The following USP32 variants were observed in gnomAD, a reference collection of about 807,000 sequenced individuals.
USP32 encodes the protein ubiquitin carboxyl-terminal hydrolase 32.
Under a neutral mutation model 204.8 loss-of-function variants are expected in USP32, and 59 were observed. That is an observed-to-expected ratio of 0.29 (90% CI 0.23 to 0.36). The LOEUF is 0.36. Among genes scored for constraint, USP32 ranks in the 10% least tolerant of loss-of-function variants. The pLI is 1.00. For missense variants in USP32, 1,160 were observed against 1,946.4 expected (o/e 0.60, Z 7.60); for synonymous variants, 517 against 678.4 (o/e 0.76, Z 3.70).
chr17:60,216,291 C>CAAAA (rs4047751), intron 16 of USP32, among the ~76,000 whole-genome samples: 1 of 112,494 alleles, frequency 8.9e-6, no homozygotes, highest in Non-Finnish European at 2.0e-5. Flanking sequence ...AGAGAGGTGG[C>CAAAA]AAAAAAAAAA....
chr17:60,406,156 C>CA (rs35763642), intron 1 of USP32, among the ~76,000 whole-genome samples: 4,492 of 44,016 alleles, frequency 0.1, 163 homozygotes, highest in East Asian at 0.16. Context: ...GACCTTGTCT[C>CA]AAAAAAAAAA....
rs865952025 is a variant in USP32, at chr17:60,302,121, A to G, written c.187-417T>C. Among the ~76,000 whole-genome samples the G allele has an allele frequency of 1.7e-3, 193 of 113,832 alleles. 1 individual carries two copies. Among genetic ancestry groups the G allele is most frequent in the East Asian group, 0.012 (55 of 4,642 alleles). 74.7% of individuals were successfully genotyped at this position (113,832 alleles called of 152,430 possible). On this transcript the variant is annotated intron_variant, in intron 2 of 33. Transcript: ENST00000300896. ...ATATAAATATTTTGTTTGTTTATTT[A>G]TTTATTTATTTATTTATTTATTTAT... is the stretch of plus-strand genomic sequence containing the variant.
intron 3 of USP32, among the ~76,000 whole-genome samples, chr17:60,297,387 C>A (rs1047374857): frequency 1.3e-5 from 2 of 152,044 alleles, no homozygotes; most frequent in East Asian, 3.9e-4. Context: ...CAGAATAAAA[C>A]CCTGTCTCAA....
At chr17:60,217,819 C>T (rs1463225935) in intron 16 of USP32, among the ~76,000 whole-genome samples, 1 of 152,058 alleles carries the variant, frequency 6.6e-6, no homozygotes, top group African/African-American at 2.4e-5. Context: ...CTCACCACAA[C>T]CTTGAACTCC....
chr17:60,397,424 G>A (rs1381815149), intron 1 of USP32, among the ~76,000 whole-genome samples: 1 of 152,140 alleles, frequency 6.6e-6, no homozygotes, highest in African/African-American at 2.4e-5. Context: ...GTGCAGTGGT[G>A]TGATCATAAC....
rs180676536 is a variant in USP32 at position 60,307,012 on chromosome 17, T to C, written c.187-5308A>G. Among the ~76,000 whole-genome samples the C allele has an allele frequency of 1.3e-3, 204 of 151,988 alleles. 1 individual carries two copies. The highest frequency in any genetic ancestry group is 4.5e-3 in the African/African-American group (188 of 41,468). On this transcript the variant is annotated intron_variant, in intron 2 of 33. Transcript: ENST00000300896. Reference sequence around the variant, plus strand: ...GATCTATAAAAGGAAAACTATAAAATACTGATGAAAGAAATTGAAGAGGAC... The same window carrying C: ...GATCTATAAAAGGAAAACTATAAAACACTGATGAAAGAAATTGAAGAGGAC...
chr17:60,396,476 A>G (rs1273277611), upstream of USP32, among the ~76,000 whole-genome samples: 2 of 152,192 alleles, frequency 1.3e-5, no homozygotes, highest in African/African-American at 4.8e-5. Flanking sequence ...AATGACTAAA[A>G]ATACGTCATT....
intron 5 of USP32, among the ~76,000 whole-genome samples, chr17:60,277,701 T>C (rs1178987451): frequency 6.6e-6 from 1 of 152,164 alleles, no homozygotes; most frequent in African/African-American, 2.4e-5. Context: ...TCACCAAAAT[T>C]AGAATTTTAA....
chr17:60,235,050 T>C (rs979957320), intron 12 of USP32, among the ~76,000 whole-genome samples: 2 of 152,172 alleles, frequency 1.3e-5, no homozygotes, highest in Non-Finnish European at 2.9e-5. Flanking sequence ...AGGTTCATGT[T>C]CTTGTCAGTG....
Position 60,179,201 on chromosome 17 carries a change from T to C in USP32, c.*54A>G. 1 of 1,566,430 alleles carries C rather than the reference T, an allele frequency of 6.4e-7. No homozygotes were observed. The highest frequency in any genetic ancestry group is 8.7e-7 in the Non-Finnish European group (1 of 1,150,682). Reference sequence around the variant, plus strand: ...AGTGACGCTTTTGCCAAATGTCAGCTACAAGGAGTCATCTCCCTCACCGCC... The same window carrying C: ...AGTGACGCTTTTGCCAAATGTCAGCCACAAGGAGTCATCTCCCTCACCGCC... On this transcript the variant is annotated 3_prime_UTR_variant, in exon 34 of 34. Coordinates refer to ENST00000300896, the MANE Select transcript of USP32 (RefSeq NM_032582.4).
chr17:60,371,731 C>T (rs2089446002), intron 1 of USP32, among the ~76,000 whole-genome samples: 1 of 152,130 alleles, frequency 6.6e-6, no homozygotes. Context: ...ATATGAAGCA[C>T]CAGTCCTGCA....
At chr17:60,361,886 G>C (rs1292692063) in intron 1 of USP32, among the ~76,000 whole-genome samples, 1 of 151,976 alleles carries the variant, frequency 6.6e-6, no homozygotes, top group Non-Finnish European at 1.5e-5. Context: ...ATGCCATTTG[G>C]CCTCAATGCT....
chr17:60,252,343 G>A (rs1395642820), intron 11 of USP32, 38 bp downstream of exon 11: 1 of 1,473,130 alleles, frequency 6.8e-7, no homozygotes, highest in Admixed American at 1.7e-5. Context: ...TTTCAAGTAT[G>A]TGAAATTTCA....
At chr17:60,258,136 T>G (rs73324922) in intron 9 of USP32, 6,747 of 156,508 alleles carry the variant, frequency 0.043, 539 homozygotes, top group African/African-American at 0.15. Flanking sequence ...TGAGGGACTC[T>G]GAAGTTGAGC....
At chr17:60,374,216 C>T (rs527823142) in intron 1 of USP32, among the ~76,000 whole-genome samples, 10 of 151,828 alleles carry the variant, frequency 6.6e-5, no homozygotes, top group South Asian at 2.1e-4. Context: ...TAAACACACA[C>T]CTTAGCCTAG....
At chr17:60,206,868 C>T (rs1006943063) in intron 25 of USP32, among the ~76,000 whole-genome samples, 153 bp downstream of exon 25, 7 of 151,952 alleles carry the variant, frequency 4.6e-5, no homozygotes, top group African/African-American at 1.2e-4. Context: ...GGTTTCTCGT[C>T]GAAAAAATAT....
At chr17:60,290,661 T>A (rs1439330792) in intron 4 of USP32, among the ~76,000 whole-genome samples, 1 of 151,932 alleles carries the variant, frequency 6.6e-6, no homozygotes, top group East Asian at 1.9e-4. Flanking sequence ...ATTCTTGTAA[T>A]CTCCAAAGTG....
At chr17:60,344,171 C>T (rs1243367837) in intron 2 of USP32, among the ~76,000 whole-genome samples, 9 of 145,558 alleles carry the variant, frequency 6.2e-5, no homozygotes, top group African/African-American at 1.8e-4. Flanking sequence ...TTCTGTTGCC[C>T]GGGCTGGAGT....
chr17:60,236,747 C>T (rs1010578291), intron 11 of USP32, among the ~76,000 whole-genome samples: 18 of 152,246 alleles, frequency 1.2e-4, no homozygotes, highest in Non-Finnish European at 2.4e-4. Context: ...TTGGTCAATT[C>T]CTATTACCAC....
Sources: gnomAD v4.1 joint callset for allele counts (sites outside exome capture counted in the v4.1 genomes callset) on GRCh38, gnomAD v4.1.1 for gene constraint, MANE v1.5 for transcripts, NCBI Gene and HGNC (gene_info 2026-07-23, HGNC 2026-07-21) for gene names.